Variants in FGF13 observed in about 807,000 individuals in gnomAD.
FGF13 encodes fibroblast growth factor homologous factor 2.
Under a neutral mutation model 19.5 loss-of-function variants are expected in FGF13, and 2 were observed. That is an observed-to-expected ratio of 0.10 (90% CI 0.04 to 0.32). The LOEUF (loss-of-function observed/expected upper bound fraction) is 0.32. Among genes scored for constraint, FGF13 ranks in the 10% least tolerant of loss-of-function variants. FGF13 has a pLI of 1.00. For missense variants in FGF13, 113 were observed against 192.7 expected (o/e 0.59, Z 2.45); for synonymous variants, 72 against 76.9 (o/e 0.94, Z 0.33).
chrX:139,078,883 C>A (rs973172471), intron 1 of FGF13, among the ~76,000 whole-genome samples: 3 of 112,956 alleles, frequency 2.7e-5, no homozygotes, highest in Non-Finnish European at 5.6e-5. Flanking sequence ...TTTAAAGCAG[C>A]TACTACAATA....
At chrX:138,703,131 T>C in intron 2 of FGF13, 44 bp from the exon 3 acceptor site, 1 of 988,971 alleles carries the variant, frequency 1.0e-6, no homozygotes. Flanking sequence ...CAATTCTGAA[T>C]TTCAGAACTT....
chrX:138,826,178 T>G (rs1195923053), intron 3 of FGF13, among the ~76,000 whole-genome samples: 2 of 112,113 alleles, frequency 1.8e-5, no homozygotes, highest in Non-Finnish European at 3.8e-5. Flanking sequence ...CTGAAATATT[T>G]GGATGTGCTA....
At chrX:138,891,990 C>A (rs713107) in intron 1 of FGF13, among the ~76,000 whole-genome samples, 18,745 of 78,289 alleles carry the variant, frequency 0.24, 1,482 homozygotes, top group African/African-American at 0.37. Flanking sequence ...GTCTCTCTCT[C>A]TATATATACA....
chrX:138,874,026 G>A (rs1286076870), intron 1 of FGF13, among the ~76,000 whole-genome samples: 114 of 87,076 alleles, frequency 1.3e-3, no homozygotes, highest in Non-Finnish European at 2.1e-3. Flanking sequence ...AGGGGGGAGG[G>A]GTAGCATTAG....
chrX:138,930,638 C>T (rs917783697), intron 1 of FGF13, among the ~76,000 whole-genome samples: 1 of 112,159 alleles, frequency 8.9e-6, no homozygotes, highest in Non-Finnish European at 1.9e-5. Context: ...TGCTGTAAAA[C>T]TCTACCCGTT....
chrX:139,178,459 GCTGCC>G (rs2084210989), intron 1 of FGF13, among the ~76,000 whole-genome samples: 2 of 112,204 alleles, frequency 1.8e-5, no homozygotes, highest in South Asian at 7.4e-4. Context: ...CAGAGAAAAT[GCTGCC>G]AAGTATATGA....
intron 3 of FGF13, among the ~76,000 whole-genome samples, chrX:138,769,705 G>A (rs1015528233): frequency 1.8e-5 from 2 of 112,091 alleles, no homozygotes; most frequent in African/African-American, 6.5e-5. Context: ...CAATCTGAAC[G>A]TGTAAACAAG....
intron 1 of FGF13, among the ~76,000 whole-genome samples, chrX:139,023,035 G>T (rs1267778839): frequency 1.8e-5 from 2 of 111,250 alleles, no homozygotes; most frequent in Non-Finnish European, 3.8e-5. Flanking sequence ...ATTAGTATAT[G>T]GCATACAAGA....
intron 1 of FGF13, among the ~76,000 whole-genome samples, chrX:138,729,491 CA>C (rs755397817): frequency 4.6e-5 from 5 of 108,329 alleles, no homozygotes; most frequent in Non-Finnish European, 7.7e-5. Context: ...AGAAAACAGT[CA>C]AAAAAAATTG....
chrX:138,806,205 T>TA (rs1450354921), intron 3 of FGF13, among the ~76,000 whole-genome samples: 1 of 111,944 alleles, frequency 8.9e-6, no homozygotes, highest in Non-Finnish European at 1.9e-5. Context: ...TACCTAATCA[T>TA]AAAAATAAAC....
Position 138,622,346 on chromosome X carries a change from A to G in FGF13, c.*10504T>C, listed in dbSNP as rs756086730. ...GAACAATAAGACAATGAAGGATAAT[A>G]ATCATATGATCATTTTAACAGATAC... On this transcript the variant is annotated 3_prime_UTR_variant, in exon 5 of 5. Coordinates refer to ENST00000315930, the MANE Select transcript of FGF13 (RefSeq NM_004114.5). 3.4e-4 allele frequency: 38 copies of G among 111,998 alleles called. No homozygotes were observed. The highest frequency in any genetic ancestry group is 6.2e-4 in the Non-Finnish European group (33 of 53,100). The allele number at this position is 111,998 out of a possible 1,213,427, so 9.2% of individuals were successfully genotyped here.
At chrX:138,982,590 G>C (rs960147823) in intron 1 of FGF13, among the ~76,000 whole-genome samples, 1 of 112,123 alleles carries the variant, frequency 8.9e-6, no homozygotes, top group Non-Finnish European at 1.9e-5. Flanking sequence ...GCACAAGAAA[G>C]GCTGAAGAAA....
chrX:138,867,836 CT>C (rs1350564835), intron 1 of FGF13, among the ~76,000 whole-genome samples: 1 of 103,005 alleles, frequency 9.7e-6, no homozygotes, highest in African/African-American at 3.6e-5. Context: ...TATCTATCAT[CT>C]ATCTATCTAT....
In FGF13 at chrX:138,628,548, A is replaced by T. The variant is rs182650341; in HGVS notation, c.*4302T>A. ...AGGCACATTTCAATTTTACCCATGA[A>T]TGACATCGCATCTAAATGAGGCTTC... On this transcript the variant is annotated 3_prime_UTR_variant, in exon 5 of 5. Coordinates refer to ENST00000315930, the MANE Select transcript of FGF13 (RefSeq NM_004114.5). The T allele has an allele frequency of 1.8e-5, 2 of 112,441 alleles. No homozygotes were observed. Among genetic ancestry groups the T allele is most frequent in the African/African-American group, 6.5e-5 (2 of 30,988 alleles). 9.3% of individuals were successfully genotyped at this position (112,441 alleles called of 1,213,427 possible).
At position 138,711,162 on chromosome X, in the gene FGF13, A is replaced by G. The variant is rs2090041828; in HGVS notation, c.-159T>C. The G allele has an allele frequency of 2.2e-5, 24 of 1,076,187 alleles. No individual in the cohort carries two copies. The highest frequency in any genetic ancestry group is 2.9e-5 in the Non-Finnish European group (24 of 835,571). 88.7% of individuals were successfully genotyped at this position (1,076,187 alleles called of 1,213,427 possible). ...CTTCTCCGCACTCGGGCTTCAGCCA[A>G]GGAGGGGGCTCAGCATGCCGTCCGA... On this transcript the variant is annotated 5_prime_UTR_variant, in exon 1 of 5. Coordinates refer to ENST00000315930, the MANE Select transcript of FGF13 (RefSeq NM_004114.5).
chrX:139,151,100 G>GAA (rs369804874), intron 1 of FGF13, among the ~76,000 whole-genome samples: 4 of 102,223 alleles, frequency 3.9e-5, no homozygotes, highest in African/African-American at 1.4e-4. Flanking sequence ...TGGGAGGGAA[G>GAA]AAAAAAAAAA....
At chrX:139,033,027 CAAAA>C (rs758766077) in intron 1 of FGF13, among the ~76,000 whole-genome samples, 5 of 27,271 alleles carry the variant, frequency 1.8e-4, no homozygotes, top group African/African-American at 6.6e-4. Flanking sequence ...TCTGATTATC[CAAAA>C]AAAAAAAAAA....
At chrX:138,707,646 A>C (rs1383017664) in intron 2 of FGF13, among the ~76,000 whole-genome samples, 4 of 112,344 alleles carry the variant, frequency 3.6e-5, no homozygotes, top group Non-Finnish European at 7.5e-5. Context: ...TTACTATAAA[A>C]CTTTAATATC....
chrX:138,675,029 A>G (rs1357771988), intron 3 of FGF13, among the ~76,000 whole-genome samples: 1 of 111,551 alleles, frequency 9.0e-6, no homozygotes, highest in African/African-American at 3.3e-5. Context: ...AGAACTAAAG[A>G]GTCGTGTACA....
Sources: allele counts gnomAD v4.1 joint callset (sites outside exome capture counted in the v4.1 genomes callset), GRCh38; gene constraint gnomAD v4.1.1; transcripts MANE v1.5; gene names NCBI Gene and HGNC (gene_info 2026-07-23, HGNC 2026-07-21).